Variants in RSPO2 observed in about 807,000 individuals in gnomAD.
RSPO2 encodes the protein R-spondin 2, also known as R-spondin-2.
A neutral mutation model predicts 30.9 loss-of-function variants in RSPO2; 14 were observed. The observed-to-expected ratio is 0.45, with a 90% confidence interval of 0.30 to 0.71. The LOEUF (loss-of-function observed/expected upper bound fraction) is 0.71. RSPO2 is among the 30% of genes least tolerant of loss of function. RSPO2 has a pLI of 0.08. For missense variants in RSPO2, 264 were observed against 301.9 expected (o/e 0.87, Z 0.93); for synonymous variants, 107 against 96.4 (o/e 1.11, Z -0.64).
intron 5 of RSPO2, among the ~76,000 whole-genome samples, chr8:107,904,695 C>A (rs1481573648): frequency 6.6e-6 from 1 of 152,042 alleles, no homozygotes; most frequent in Non-Finnish European, 1.5e-5. Context: ...TCTGGTAAGG[C>A]ATATGCCTGA....
chr8:107,950,248 A>C (rs970049870), intron 5 of RSPO2, among the ~76,000 whole-genome samples: 8 of 152,172 alleles, frequency 5.3e-5, no homozygotes, highest in Admixed American at 6.5e-5. Flanking sequence ...AGATACATAC[A>C]TATGTGATTT....
In RSPO2 at chr8:108,033,049, CAAAAAAA is replaced by C. The variant is rs35774922; in HGVS notation, c.95-43812_95-43806del. 6.4e-3 allele frequency among the ~76,000 whole-genome samples: 440 copies of C among 68,734 alleles called. 1 individual carries two copies. The highest frequency in any genetic ancestry group is 8.6e-3 in the Middle Eastern group (1 of 116). 45.1% of individuals were successfully genotyped at this position (68,734 alleles called of 152,430 possible). ...TGGGTGACAGAGCAAGACTCTGTCT[CAAAAAAA>C]AAAAAAAAAAAAAAAAAAAAAATTT... is the stretch of plus-strand genomic sequence containing the variant. On this transcript the variant is annotated intron_variant, in intron 2 of 5. Coordinates refer to ENST00000276659, the MANE Select transcript of RSPO2 (RefSeq NM_178565.5).
chr8:108,036,811 A>C (rs1288234363), intron 2 of RSPO2, among the ~76,000 whole-genome samples: 1 of 152,156 alleles, frequency 6.6e-6, no homozygotes, highest in Non-Finnish European at 1.5e-5. Context: ...TAATGCTTGC[A>C]ATATTTAAAA....
chr8:107,926,771 C>CAAA (rs1812389853), intron 5 of RSPO2, among the ~76,000 whole-genome samples: 2 of 152,140 alleles, frequency 1.3e-5, no homozygotes, highest in Non-Finnish European at 2.9e-5. Context: ...ATTTTGGTAC[C>CAAA]AGTACCATGC....
chr8:108,056,063 T>C (rs1441927826), intron 2 of RSPO2, among the ~76,000 whole-genome samples: 2 of 152,174 alleles, frequency 1.3e-5, no homozygotes, highest in Non-Finnish European at 2.9e-5. Context: ...ACAAGGTCAT[T>C]TGAGGATTAA....
chr8:108,065,416 T>C (rs1301651323), intron 2 of RSPO2, among the ~76,000 whole-genome samples: 2 of 152,052 alleles, frequency 1.3e-5, no homozygotes, highest in African/African-American at 2.4e-5. Context: ...ATATTCATAA[T>C]ACTTATGGCC....
intron 2 of RSPO2, among the ~76,000 whole-genome samples, chr8:108,051,375 T>A (rs923629215): frequency 1.3e-4 from 20 of 152,104 alleles, no homozygotes; most frequent in African/African-American, 3.9e-4. Context: ...GGTTTTGCAG[T>A]TCCACCAGCA....
intron 2 of RSPO2, among the ~76,000 whole-genome samples, chr8:108,029,949 G>A (rs926028454): frequency 6.6e-6 from 1 of 151,988 alleles, no homozygotes; most frequent in Non-Finnish European, 1.5e-5. Flanking sequence ...ATCTAGTGAG[G>A]AACACAAGTA....
chr8:108,076,555 G>T (rs531691613), intron 2 of RSPO2, among the ~76,000 whole-genome samples: 1 of 152,084 alleles, frequency 6.6e-6, no homozygotes, highest in Non-Finnish European at 1.5e-5. Context: ...CTGATACGAG[G>T]CAACAGAAAA....
intron 2 of RSPO2, among the ~76,000 whole-genome samples, chr8:108,027,527 T>A (rs1023700878): frequency 6.6e-6 from 1 of 152,184 alleles, no homozygotes; most frequent in Non-Finnish European, 1.5e-5. Flanking sequence ...CATTCTTTAT[T>A]ACCAAAGCAT....
At chr8:108,002,101 T>C (rs1815270382) in intron 2 of RSPO2, among the ~76,000 whole-genome samples, 1 of 152,192 alleles carries the variant, frequency 6.6e-6, no homozygotes, top group African/African-American at 2.4e-5. Flanking sequence ...AGCTTGAAAC[T>C]GCTGTGTTGT....
chr8:108,026,289 T>C (rs1233303975), intron 2 of RSPO2, among the ~76,000 whole-genome samples: 2 of 152,134 alleles, frequency 1.3e-5, no homozygotes, highest in African/African-American at 4.8e-5. Context: ...AAGAATAAAG[T>C]ATGACCACTA....
chr8:108,058,977 C>G (rs2130698162), intron 2 of RSPO2, among the ~76,000 whole-genome samples: 1 of 151,790 alleles, frequency 6.6e-6, no homozygotes, highest in African/African-American at 2.4e-5. Flanking sequence ...GCAATGGCAA[C>G]AAAAGACAAA....
At chr8:108,018,614 A>G (rs1810966988) in intron 2 of RSPO2, among the ~76,000 whole-genome samples, 1 of 152,246 alleles carries the variant, frequency 6.6e-6, no homozygotes, top group African/African-American at 2.4e-5. Flanking sequence ...ATATTCAGTA[A>G]GAATTAAATT....
At chr8:107,916,414 A>C (rs1811984997) in intron 5 of RSPO2, among the ~76,000 whole-genome samples, 1 of 152,184 alleles carries the variant, frequency 6.6e-6, no homozygotes, top group South Asian at 2.1e-4. Context: ...CACACCTAGT[A>C]CATAATTAAA....
intron 2 of RSPO2, among the ~76,000 whole-genome samples, chr8:108,077,661 C>G (rs1406468737): frequency 1.3e-5 from 2 of 152,104 alleles, no homozygotes; most frequent in Non-Finnish European, 2.9e-5. Context: ...TGCATATATA[C>G]CTTCCCTAAT....
intron 2 of RSPO2, among the ~76,000 whole-genome samples, chr8:108,026,242 A>T (rs915293955): frequency 6.6e-6 from 1 of 152,190 alleles, no homozygotes; most frequent in East Asian, 1.9e-4. Flanking sequence ...AGGTCATAAA[A>T]GACAAAGAAT....
intron 2 of RSPO2, among the ~76,000 whole-genome samples, chr8:108,018,603 C>A (rs527917162): frequency 6.6e-6 from 1 of 152,290 alleles, no homozygotes; most frequent in East Asian, 1.9e-4. Flanking sequence ...TAAGGAGTTT[C>A]ATATTCAGTA....
chr8:107,961,543 A>G (rs115692377), intron 3 of RSPO2, among the ~76,000 whole-genome samples: 56 of 152,294 alleles, frequency 3.7e-4, no homozygotes, highest in African/African-American at 1.3e-3. Context: ...CTTTCTCTCT[A>G]TAACTCGCTC....
Sources: gnomAD v4.1 joint callset for allele counts (sites outside exome capture counted in the v4.1 genomes callset) on GRCh38, gnomAD v4.1.1 for gene constraint, MANE v1.5 for transcripts, NCBI Gene and HGNC (gene_info 2026-07-23, HGNC 2026-07-21) for gene names.